The following GRAMD1B variants were observed in gnomAD, a reference collection of about 807,000 sequenced individuals.
GRAMD1B encodes GRAM domain containing 1B.
In GRAMD1B, 37 loss-of-function variants were observed where a neutral mutation model predicts 99.7. The observed-to-expected ratio is 0.37, with a 90% CI of 0.29 to 0.49. The LOEUF (loss-of-function observed/expected upper bound fraction) is 0.49. GRAMD1B is among the 20% of genes least tolerant of loss of function. The pLI is 0.98. For missense variants in GRAMD1B, 888 were observed against 1,009.2 expected (o/e 0.88, Z 1.63); for synonymous variants, 427 against 387.6 (o/e 1.10, Z -1.19).
At position 123,430,967 on chromosome 11, in the gene GRAMD1B, G is replaced by A. The variant is rs1009239394; in HGVS notation, c.175G>A (p.Gly59Arg). 23 of 702,694 alleles carry A rather than the reference G, an allele frequency of 3.3e-5. No homozygotes were observed. In the Admixed American group the frequency reaches 3.8e-4, roughly 12 times the overall value. 43.5% of individuals were successfully genotyped at this position (702,694 alleles called of 1,614,324 possible). The change falls in exon 1 of 20, where the codon GGG (glycine) becomes AGG (arginine). Residue 59 changes from glycine to arginine, a missense_variant. Around this residue, in one of 5 missense-constraint regions of GRAMD1B, gnomAD observed 233 missense variants for 154.6 expected, o/e 1.51. Coordinates refer to ENST00000635736, the MANE Select transcript of GRAMD1B (RefSeq NM_001387025.1). The stretch of plus-strand genomic sequence containing the variant: ...CGTACAGGAGCAGAGCCTGGAGGCC[G>A]GGCTGGCCCGGGACCTGCCCGCCGT... ...KNVQEQSLEA[G>R]LARDLPAVLA... is the part of the protein sequence containing the mutation.
At chr11:123,612,725 G>A (rs1160539877) in intron 14 of GRAMD1B, 36 bp from the exon 15 acceptor site, 1 of 1,222,400 alleles carries the variant, frequency 8.2e-7, no homozygotes, top group Non-Finnish European at 1.2e-6. Flanking sequence ...GGCCCACCCA[G>A]GAAATGACTG....
intron 1 of GRAMD1B, among the ~76,000 whole-genome samples, chr11:123,437,653 G>A (rs949551931): frequency 1.3e-5 from 2 of 152,190 alleles, no homozygotes; most frequent in Non-Finnish European, 2.9e-5. Context: ...TTTCCACTTA[G>A]CTCCATGTCT....
chr11:123,549,726 T>C (rs776334172), intron 2 of GRAMD1B, among the ~76,000 whole-genome samples: 10 of 152,178 alleles, frequency 6.6e-5, no homozygotes, highest in Non-Finnish European at 1.5e-4. Flanking sequence ...TGAATGCAGA[T>C]GCTGTCTTAA....
chr11:123,520,988 G>A (rs993647231), intron 2 of GRAMD1B, among the ~76,000 whole-genome samples: 6 of 152,076 alleles, frequency 3.9e-5, no homozygotes, highest in Admixed American at 2.0e-4. Context: ...CCTTTCTGTT[G>A]ATAGACATTT....
At chr11:123,431,304 C>T in intron 1 of GRAMD1B, 138 bp downstream of exon 1, 1 of 590,954 alleles carries the variant, frequency 1.7e-6, no homozygotes, top group South Asian at 2.0e-5. Flanking sequence ...GAGGGCGCTG[C>T]GCCTGGTCCC....
At position 123,522,169 on chromosome 11, in the gene GRAMD1B, C is replaced by G. The variant is rs1205130509; in HGVS notation, c.452+41276C>G. Among the ~76,000 whole-genome samples, 4 of 152,078 alleles carry G rather than the reference C, an allele frequency of 2.6e-5. No homozygotes were observed. The East Asian group carries it at 5.8e-4, about 22-fold the overall frequency. ...GTGCTTGCGATTTATTGGCCAGGAA[C>G]TTTTCAAACCATGGAGACTGCTTTC... On this transcript the variant is annotated intron_variant, in intron 2 of 19. Transcript: ENST00000635736.
At chr11:123,549,341 G>A (rs993779352) in intron 2 of GRAMD1B, among the ~76,000 whole-genome samples, 1 of 152,070 alleles carries the variant, frequency 6.6e-6, no homozygotes. Flanking sequence ...TCAGGAGATC[G>A]AAACCATCCT....
rs1057411020 is a variant in GRAMD1B at position 123,516,358 on chromosome 11, C to A, written c.452+35465C>A. 3.3e-5 allele frequency among the ~76,000 whole-genome samples: 5 copies of A among 152,180 alleles called. No individual in the cohort carries two copies. In the South Asian group the frequency reaches 6.2e-4, roughly 19 times the overall value. ...CTGAAACAACTTAAAGCTTCCCCTG[C>A]CCTAACCTTAGGGCGCTGTTGAGAA... On this transcript the variant is annotated intron_variant, in intron 2 of 19. Transcript: ENST00000635736.
At chr11:123,544,479 CAT>C (rs1665750599) in intron 2 of GRAMD1B, among the ~76,000 whole-genome samples, 1 of 152,206 alleles carries the variant, frequency 6.6e-6, no homozygotes. Context: ...TCTTTTAGTT[CAT>C]ATATGTCTCT....
At chr11:123,445,573 TG>T (rs1469959816) in intron 1 of GRAMD1B, among the ~76,000 whole-genome samples, 1 of 152,010 alleles carries the variant, frequency 6.6e-6, no homozygotes, top group Non-Finnish European at 1.5e-5. Flanking sequence ...CCCAGAACTT[TG>T]GGAGGCCAAG....
intron 7 of GRAMD1B, chr11:123,598,348 TCTAA>T: frequency 3.5e-6 from 4 of 1,153,338 alleles, no homozygotes; most frequent in Non-Finnish European, 5.3e-6. Context: ...TCATCTTCAC[TCTAA>T]CTCTCACTGA....
chr11:123,377,832 A>G (rs1210928832), intron 1 of GRAMD1B, among the ~76,000 whole-genome samples: 1 of 152,258 alleles, frequency 6.6e-6, no homozygotes, highest in Non-Finnish European at 1.5e-5. Flanking sequence ...GACTTGCAAA[A>G]GATCTCAAAC....
chr11:123,440,739 GTA>G (rs1173778203), intron 1 of GRAMD1B, among the ~76,000 whole-genome samples: 6 of 152,178 alleles, frequency 3.9e-5, no homozygotes, highest in Non-Finnish European at 5.9e-5. Flanking sequence ...CATGGTGCCA[GTA>G]TCTGCTTCTG....
At chr11:123,483,394 T>C (rs1480975102) in intron 2 of GRAMD1B, among the ~76,000 whole-genome samples, 1 of 147,582 alleles carries the variant, frequency 6.8e-6, no homozygotes, top group Non-Finnish European at 1.5e-5. Context: ...TCTTTTTCTT[T>C]TTTTTTTTTT....
intron 2 of GRAMD1B, among the ~76,000 whole-genome samples, chr11:123,508,579 G>GT (rs1940661668): frequency 1.3e-5 from 2 of 152,200 alleles, no homozygotes; most frequent in African/African-American, 4.8e-5. Flanking sequence ...AGTGTCATCA[G>GT]TTTTTTGGGA....
At chr11:123,512,503 G>A (rs573055787) in intron 2 of GRAMD1B, among the ~76,000 whole-genome samples, 155 of 152,266 alleles carry the variant, frequency 1.0e-3, no homozygotes, top group African/African-American at 3.5e-3. Context: ...CATGATCTAA[G>A]CAGGTATAGC....
chr11:123,554,157 C>T (rs958699872), intron 2 of GRAMD1B, among the ~76,000 whole-genome samples: 5 of 152,188 alleles, frequency 3.3e-5, no homozygotes, highest in Admixed American at 2.0e-4. Context: ...TCAGTTTCCT[C>T]TTCCATAAAG....
chr11:123,448,839 C>T (rs1462203709), intron 1 of GRAMD1B, among the ~76,000 whole-genome samples: 1 of 152,202 alleles, frequency 6.6e-6, no homozygotes, highest in Admixed American at 6.5e-5. Context: ...TCACCATAGC[C>T]GGCTCTCACG....
chr11:123,399,492 T>A (rs1947581451), intron 1 of GRAMD1B, among the ~76,000 whole-genome samples: 1 of 152,164 alleles, frequency 6.6e-6, no homozygotes, highest in Non-Finnish European at 1.5e-5. Context: ...ATTTATTTAT[T>A]TTTTTTGGAA....
Sources: gnomAD v4.1 joint callset for allele counts (sites outside exome capture counted in the v4.1 genomes callset) on GRCh38, gnomAD v4.1.1 for gene constraint, gnomAD v4.1.1 regional missense constraint, MANE v1.5 for transcripts, NCBI Gene and HGNC (gene_info 2026-07-23, HGNC 2026-07-21) for gene names.